The following PPM1E variants were observed in gnomAD, a reference collection of about 807,000 sequenced individuals.
The protein encoded by PPM1E is protein phosphatase, Mg2+/Mn2+ dependent 1E.
PPM1E carries 20 observed loss-of-function variants against 65.9 expected under a neutral mutation model. That is an observed-to-expected ratio of 0.30 (90% CI 0.21 to 0.44). The LOEUF is 0.44. Ranked by LOEUF, PPM1E falls within the 20% of genes least tolerant of loss-of-function variation. The probability of loss-of-function intolerance (pLI) is 1.00; values close to 1 mark genes in which losing one functional copy is unlikely to be tolerated. For synonymous variants in PPM1E, 352 were observed against 374.9 expected, an observed-to-expected ratio of 0.94 and a Z score of 0.70; for missense variants, 713 against 953.1, an observed-to-expected ratio of 0.75 and a Z score of 3.32.
chr17:58,765,664 A>G (rs1312303828), intron 1 of PPM1E, among the ~76,000 whole-genome samples: 2 of 152,118 alleles, frequency 1.3e-5, no homozygotes, highest in East Asian at 3.8e-4. Context: ...CTAGTTCATT[A>G]CTACCTAGCG....
At chr17:58,897,702 C>T (rs1277518276) in intron 1 of PPM1E, 1 of 152,142 alleles carries the variant, frequency 6.6e-6, no homozygotes, top group Non-Finnish European at 1.5e-5. Flanking sequence ...TCATTAAGTA[C>T]ATTTGTGCTT....
At chr17:58,942,032 A>G (rs2052079208) in intron 1 of PPM1E, among the ~76,000 whole-genome samples, 1 of 151,724 alleles carries the variant, frequency 6.6e-6, no homozygotes. Flanking sequence ...AATGCTGGTC[A>G]TAATTCATAC....
intron 1 of PPM1E, among the ~76,000 whole-genome samples, chr17:58,903,067 G>A (rs967002374): frequency 6.6e-6 from 1 of 152,038 alleles, no homozygotes; most frequent in African/African-American, 2.4e-5. Flanking sequence ...AAAAACCTAA[G>A]AATCTTTTAG....
At chr17:58,965,394 G>A (rs1194195523) in intron 2 of PPM1E, among the ~76,000 whole-genome samples, 1 of 152,106 alleles carries the variant, frequency 6.6e-6, no homozygotes, top group Non-Finnish European at 1.5e-5. Context: ...AGGGAGCAGT[G>A]TGGTGAGAGC....
intron 1 of PPM1E, among the ~76,000 whole-genome samples, chr17:58,822,362 A>G (rs2050489800): frequency 6.6e-6 from 1 of 150,740 alleles, no homozygotes; most frequent in Admixed American, 6.6e-5. Flanking sequence ...TTATTTATTT[A>G]TTTATTTATT....
At chr17:58,917,414 A>G (rs1364051140) in intron 1 of PPM1E, among the ~76,000 whole-genome samples, 9 of 152,068 alleles carry the variant, frequency 5.9e-5, no homozygotes, top group South Asian at 4.1e-4. Flanking sequence ...ACATTCTCCT[A>G]TTTCTTCCAT....
chr17:58,963,625 T>A (rs1192327886), intron 2 of PPM1E, among the ~76,000 whole-genome samples: 3 of 150,244 alleles, frequency 2.0e-5, no homozygotes, highest in Non-Finnish European at 3.0e-5. Context: ...AGGAGAATGG[T>A]GTGAACCCAG....
chr17:58,958,276 T>C (rs1172208002), intron 2 of PPM1E, among the ~76,000 whole-genome samples: 1 of 151,886 alleles, frequency 6.6e-6, no homozygotes, highest in East Asian at 1.9e-4. Flanking sequence ...TGTGGGATGA[T>C]CACAGTTCAC....
At chr17:58,777,346 T>C (rs1471599595) in intron 1 of PPM1E, among the ~76,000 whole-genome samples, 1 of 152,200 alleles carries the variant, frequency 6.6e-6, no homozygotes, top group East Asian at 1.9e-4. Context: ...AACATTGAAT[T>C]ATCCGTGGAA....
chr17:58,900,568 G>A lies in PPM1E; in HGVS notation c.465-55081G>A, dbSNP rs549136778. ...TATAATGTAAACATAGCTTTTATAT[G>A]CCCTGGGAAACAAAAAATTTTGTAC... On this transcript the variant is annotated intron_variant, in intron 1 of 6. Coordinates refer to ENST00000308249, the MANE Select transcript of PPM1E (RefSeq NM_014906.5). Among the ~76,000 whole-genome samples the A allele has an allele frequency of 4.6e-5, 7 of 152,176 alleles. No homozygotes were observed. In the East Asian group the frequency reaches 5.8e-4, roughly 13 times the overall value.
At chr17:58,936,124 G>A (rs1459595942) in intron 1 of PPM1E, among the ~76,000 whole-genome samples, 1 of 151,978 alleles carries the variant, frequency 6.6e-6, no homozygotes, top group African/African-American at 2.4e-5. Flanking sequence ...GGTGGTGTGT[G>A]GGCATTGCAA....
intron 1 of PPM1E, among the ~76,000 whole-genome samples, chr17:58,953,667 T>C (rs2052271562): frequency 1.3e-5 from 2 of 152,132 alleles, no homozygotes; most frequent in South Asian, 4.1e-4. Flanking sequence ...CTTCCAAATT[T>C]CCTAACATCT....
chr17:58,784,007 G>A (rs996620439), intron 1 of PPM1E, among the ~76,000 whole-genome samples: 8 of 150,778 alleles, frequency 5.3e-5, no homozygotes, highest in Non-Finnish European at 7.4e-5. Flanking sequence ...CACCGTGCCC[G>A]GCCTGTTTTT....
At chr17:58,937,421 G>A (rs913381019) in intron 1 of PPM1E, among the ~76,000 whole-genome samples, 3 of 149,678 alleles carry the variant, frequency 2.0e-5, no homozygotes, top group Admixed American at 6.6e-5. Context: ...CCGCCACCAC[G>A]CCCATCTAAT....
At chr17:58,846,886 A>G (rs975626464) in intron 1 of PPM1E, among the ~76,000 whole-genome samples, 49 of 152,272 alleles carry the variant, frequency 3.2e-4, no homozygotes, top group Admixed American at 9.2e-4. Flanking sequence ...CCTCCCACCA[A>G]CAGTGTAAAA....
At chr17:58,772,379 T>A (rs1011412235) in intron 1 of PPM1E, among the ~76,000 whole-genome samples, 2 of 151,700 alleles carry the variant, frequency 1.3e-5, no homozygotes, top group African/African-American at 2.4e-5. Flanking sequence ...TTGCTTGAAC[T>A]TGGGAGGCAG....
intron 1 of PPM1E, among the ~76,000 whole-genome samples, chr17:58,932,604 G>A (rs114559968): frequency 0.011 from 1,607 of 152,248 alleles, 27 homozygotes; most frequent in African/African-American, 0.036. Context: ...GAAGGGCTCC[G>A]TAAGGAAGTT....
In PPM1E at chr17:58,756,177, G is replaced by A; in HGVS notation, c.180G>A (p.Glu60=). Residue 60 remains glutamate, a synonymous_variant, in exon 1 of 7, where the codon GAG becomes GAA. Coordinates refer to ENST00000308249, the MANE Select transcript of PPM1E (RefSeq NM_014906.5). ...AACTGGTAGAAGCTGAGGCGGCCGA[G>A]GCTTCGGTAGAGGAACCCGGGGAGG... ...EPELVEAEAA[E]ASVEEPGEEA... 1 of 1,572,370 alleles carries A rather than the reference G, an allele frequency of 6.4e-7. No homozygotes were observed. Among genetic ancestry groups the A allele is most frequent in the African/African-American group, 1.3e-5 (1 of 74,414 alleles).
At position 58,877,025 on chromosome 17, in the gene PPM1E, C is replaced by T. The variant is rs137968044; in HGVS notation, c.465-78624C>T. Reference sequence around the variant, plus strand: ...GTTTCAATCTGCTGACCTCGTGATCCGCCCGCCTCGGCCTCCCAAAGTGCT... The same window carrying T: ...GTTTCAATCTGCTGACCTCGTGATCTGCCCGCCTCGGCCTCCCAAAGTGCT... On this transcript the variant is annotated intron_variant, in intron 1 of 6. Coordinates refer to ENST00000308249, the MANE Select transcript of PPM1E (RefSeq NM_014906.5). Among the ~76,000 whole-genome samples the T allele has an allele frequency of 5.8e-3, 889 of 152,274 alleles. 12 individuals carry two copies. The highest frequency in any genetic ancestry group is 0.018 in the African/African-American group (758 of 41,572).
Sources: allele counts gnomAD v4.1 joint callset (sites outside exome capture counted in the v4.1 genomes callset), GRCh38; gene constraint gnomAD v4.1.1; transcripts MANE v1.5; gene names NCBI Gene and HGNC (gene_info 2026-07-23, HGNC 2026-07-21).